Variants in RASAL2 observed in about 807,000 individuals in gnomAD.
The protein encoded by RASAL2 is ras GTPase-activating protein nGAP.
A neutral mutation model predicts 128.9 loss-of-function variants in RASAL2; 58 were observed. The observed-to-expected ratio is 0.45, with a 90% CI of 0.36 to 0.56. The LOEUF (loss-of-function observed/expected upper bound fraction) is 0.56. Ranked by LOEUF, RASAL2 falls within the 20% of genes least tolerant of loss-of-function variation. The pLI is 0.00. For synonymous variants in RASAL2, 561 were observed against 580.8 expected, an observed-to-expected ratio of 0.97 and a Z score of 0.49; for missense variants, 1,360 against 1,601.6, an observed-to-expected ratio of 0.85 and a Z score of 2.57.
chr1:178,172,618 A>G (rs1029024737), intron 1 of RASAL2, among the ~76,000 whole-genome samples: 1 of 152,170 alleles, frequency 6.6e-6, no homozygotes, highest in Non-Finnish European at 1.5e-5. Context: ...TTATATAGTA[A>G]TACCTAAGTA....
chr1:178,192,156 G>A (rs950051331), intron 1 of RASAL2, among the ~76,000 whole-genome samples: 1 of 152,090 alleles, frequency 6.6e-6, no homozygotes, highest in South Asian at 2.1e-4. Flanking sequence ...GATGGGAAAG[G>A]GAGTTGAAAA....
At chr1:178,287,838 G>A (rs1268906475) in intron 2 of RASAL2, among the ~76,000 whole-genome samples, 1 of 152,070 alleles carries the variant, frequency 6.6e-6, no homozygotes, top group Non-Finnish European at 1.5e-5. Context: ...GGGAAAGGGT[G>A]GGAGAGAAGT....
chr1:178,198,440 CTT>C (rs924174958), intron 1 of RASAL2, among the ~76,000 whole-genome samples: 1 of 152,216 alleles, frequency 6.6e-6, no homozygotes, highest in African/African-American at 2.4e-5. Context: ...TTTTATCTAA[CTT>C]TGGTCTTTGA....
At chr1:178,310,961 A>G (rs1264907578) in intron 3 of RASAL2, among the ~76,000 whole-genome samples, 2 of 152,160 alleles carry the variant, frequency 1.3e-5, no homozygotes, top group Non-Finnish European at 2.9e-5. Context: ...CAAGAAGACC[A>G]GAGTAGAGTA....
chr1:178,441,625 G>A lies in RASAL2; in HGVS notation c.905G>A (p.Arg302His), dbSNP rs756661870. 26 of 1,611,918 alleles carry A rather than the reference G, an allele frequency of 1.6e-5. No individual in the cohort carries two copies. Among genetic ancestry groups the A allele is most frequent in the Middle Eastern group, 3.3e-4 (2 of 6,068 alleles). The change falls in exon 7 of 18, where the codon CGC becomes CAC. Residue 302 changes from arginine (R) to histidine (H), a missense_variant. Physicochemically the swap from Arg to His is conservative, Grantham distance 29. Transcript: ENST00000367649. The stretch of plus-strand genomic sequence containing the variant: ...AGAGACAAGTGGATGGAAAACCTTC[G>A]CAGGACAGTTCAACCTAATAAGGTA... ...SERDKWMENL[R>H]RTVQPNKDNC...
intron 9 of RASAL2, among the ~76,000 whole-genome samples, chr1:178,446,774 T>A (rs532041918): frequency 3.9e-5 from 6 of 152,308 alleles, no homozygotes; most frequent in Non-Finnish European, 8.8e-5. Context: ...CAAATAATTT[T>A]AAAAAAATTG....
In RASAL2 at chr1:178,458,270, A is replaced by G; in HGVS notation, c.2978A>G (p.Asp993Gly). ...TTCTCCAGGCGGCACACGGTGCCAG[A>G]TAGACACATACCTCTTGCTTTGCCA... Reference protein sequence around the residue: ...EDFSRRHTVPDRHIPLALPRQ... With the variant: ...EDFSRRHTVPGRHIPLALPRQ... Residue 993 changes from aspartate (D) to glycine (G), a missense_variant, in exon 14 of 18, where the codon GAT becomes GGT. Physicochemically the swap from Asp to Gly is moderately conservative, Grantham distance 94. This residue lies in a region of RASAL2 where 741 missense variants were observed against 868.6 expected (regional missense o/e 0.85). Transcript: ENST00000367649. 5 of 1,614,240 alleles carry G rather than the reference A, an allele frequency of 3.1e-6. No individual in the cohort carries two copies. Among genetic ancestry groups the G allele is most frequent in the Non-Finnish European group, 3.4e-6 (4 of 1,180,046 alleles).
intron 4 of RASAL2, among the ~76,000 whole-genome samples, chr1:178,401,545 G>A (rs1025169059): frequency 2.0e-5 from 3 of 152,170 alleles, no homozygotes; most frequent in Non-Finnish European, 2.9e-5. Context: ...GGAGCCTGAG[G>A]CAAGAGGTTC....
chr1:178,447,858 A>G (rs572289980), intron 9 of RASAL2, among the ~76,000 whole-genome samples: 4 of 151,784 alleles, frequency 2.6e-5, no homozygotes, highest in African/African-American at 9.6e-5. Flanking sequence ...TATTACAGAG[A>G]ATTGTGGGGT....
At chr1:178,147,743 G>C (rs1036821163) in intron 1 of RASAL2, among the ~76,000 whole-genome samples, 1 of 152,102 alleles carries the variant, frequency 6.6e-6, no homozygotes, top group African/African-American at 2.4e-5. Context: ...CCAAATTTAT[G>C]TGGATTTCAA....
intron 1 of RASAL2, among the ~76,000 whole-genome samples, chr1:178,168,414 C>G (rs1409477569): frequency 6.7e-6 from 1 of 150,156 alleles, no homozygotes; most frequent in African/African-American, 2.4e-5. Flanking sequence ...CTTTTTTTTT[C>G]CGTTTTATAC....
At chr1:178,339,816 A>C (rs1233847779) in intron 3 of RASAL2, among the ~76,000 whole-genome samples, 1 of 152,208 alleles carries the variant, frequency 6.6e-6, no homozygotes, top group Admixed American at 6.5e-5. Context: ...GAACTGTATA[A>C]AAATGCTGTG....
At chr1:178,281,100 C>T (rs537980278) in intron 1 of RASAL2, among the ~76,000 whole-genome samples, 1 of 151,888 alleles carries the variant, frequency 6.6e-6, no homozygotes, top group Non-Finnish European at 1.5e-5. Flanking sequence ...CTAAAAAGAA[C>T]AGAAACTATC....
At chr1:178,114,172 T>G (rs761518511) in intron 1 of RASAL2, among the ~76,000 whole-genome samples, 2 of 152,168 alleles carry the variant, frequency 1.3e-5, no homozygotes, top group Non-Finnish European at 2.9e-5. Context: ...TCAGGATACC[T>G]TTTATTTCTT....
Position 178,451,557 on chromosome 1 carries a change from C to G in RASAL2, c.1628-14C>G. ...CTGTTTATAGCTATACCGTTATCTTCTCTCTTCAAATAGGGGAGTTTATCA... is the reference window on the plus strand; with the variant it reads ...CTGTTTATAGCTATACCGTTATCTTGTCTCTTCAAATAGGGGAGTTTATCA... On this transcript the variant is annotated splice_polypyrimidine_tract_variant and intron_variant, in intron 9 of 17. Coordinates refer to ENST00000367649, the MANE Select transcript of RASAL2 (RefSeq NM_170692.4). 6.2e-7 allele frequency: 1 copy of G among 1,611,794 alleles called. No homozygotes were observed. Among genetic ancestry groups the G allele is most frequent in the Non-Finnish European group, 8.5e-7 (1 of 1,178,890 alleles).
At chr1:178,465,086 G>A (rs891342742) in intron 15 of RASAL2, among the ~76,000 whole-genome samples, 1 of 151,956 alleles carries the variant, frequency 6.6e-6, no homozygotes, top group Non-Finnish European at 1.5e-5. Context: ...CCCAGCCACA[G>A]CAACTACAGT....
intron 1 of RASAL2, among the ~76,000 whole-genome samples, chr1:178,146,352 C>A (rs956284205): frequency 1.3e-5 from 2 of 152,212 alleles, no homozygotes; most frequent in Admixed American, 6.5e-5. Context: ...CTGACGTAGG[C>A]GAAGCCTTGC....
At chr1:178,207,237 A>C (rs1663082499) in intron 1 of RASAL2, among the ~76,000 whole-genome samples, 1 of 152,046 alleles carries the variant, frequency 6.6e-6, no homozygotes, top group Non-Finnish European at 1.5e-5. Context: ...AAACATTCTG[A>C]CCTTATATCC....
At chr1:178,467,537 TA>T (rs1647849429) in intron 17 of RASAL2, 116 bp downstream of exon 17, 1 of 775,286 alleles carries the variant, frequency 1.3e-6, no homozygotes, top group East Asian at 2.7e-5. Context: ...TGAAAAGTTC[TA>T]GACGCTACAT....
Sources: gnomAD v4.1 joint callset for allele counts (sites outside exome capture counted in the v4.1 genomes callset) on GRCh38, gnomAD v4.1.1 for gene constraint, gnomAD v4.1.1 regional missense constraint, MANE v1.5 for transcripts, NCBI Gene and HGNC (gene_info 2026-07-23, HGNC 2026-07-21) for gene names.